TPP2: variants seen among roughly 807,000 people sequenced by gnomAD.
TPP2 encodes tripeptidyl-peptidase 2.
In TPP2, 34 loss-of-function variants were observed where a neutral mutation model predicts 155.9. The ratio of observed to expected loss-of-function variants is 0.22; its 90% CI spans 0.17 to 0.29. The LOEUF (loss-of-function observed/expected upper bound fraction) is 0.29, where lower values mean the gene tolerates loss of function less well. TPP2 is among the 10% of genes least tolerant of loss of function. The pLI, the probability that TPP2 is intolerant of heterozygous loss-of-function variation, is 1.00. For synonymous variants in TPP2, 510 were observed against 529.4 expected, an observed-to-expected ratio of 0.96 and a Z score of 0.50; for missense variants, 1,028 against 1,522.3, an observed-to-expected ratio of 0.68 and a Z score of 5.40.
At chr13:102,657,838 T>C (rs1883959574) in intron 25 of TPP2, among the ~76,000 whole-genome samples, 1 of 152,160 alleles carries the variant, frequency 6.6e-6, no homozygotes, top group East Asian at 1.9e-4. Context: ...CTGAGATGAG[T>C]ATAATAATTT....
chr13:102,630,038 A>G (rs1454421249), intron 9 of TPP2, 58 bp from the exon 10 acceptor site: 5 of 1,448,722 alleles, frequency 3.5e-6, no homozygotes, highest in Non-Finnish European at 4.8e-6. Flanking sequence ...TGAACAGTGG[A>G]TTTGGAATCA....
chr13:102,679,562 A>G lies in TPP2; in HGVS notation c.*1246A>G, dbSNP rs1004882339. The G allele has an allele frequency of 2.6e-5, 4 of 152,186 alleles. No individual in the cohort carries two copies. Among genetic ancestry groups the G allele is most frequent in the Non-Finnish European group, 5.9e-5 (4 of 68,032 alleles). 9.4% of individuals were successfully genotyped at this position (152,186 alleles called of 1,614,324 possible). On this transcript the variant is annotated 3_prime_UTR_variant, in exon 30 of 30. Transcript: ENST00000376052. The stretch of plus-strand genomic sequence containing the variant: ...AGTCACTCCCAACTGTTTCTGCTGT[A>G]TCTCATGAAGTGTTAGAGCGTTTAT...
chr13:102,668,979 T>A (rs1484325298), intron 27 of TPP2, among the ~76,000 whole-genome samples: 1 of 152,202 alleles, frequency 6.6e-6, no homozygotes, highest in Non-Finnish European at 1.5e-5. Context: ...CTAGCCACGC[T>A]ATGGTATGGT....
chr13:102,606,891 A>G (rs965294883), intron 2 of TPP2, among the ~76,000 whole-genome samples: 7 of 152,116 alleles, frequency 4.6e-5, no homozygotes, highest in African/African-American at 1.7e-4. Flanking sequence ...AAATTCATAC[A>G]TTGAAGCCCT....
rs1415896365 is a variant in TPP2, at chr13:102,616,310, C to A, written c.391-86C>A. ...AGAATTGTGTAGTATCACAACTGTA[C>A]CAACAAAGTCCACATATAAATGCCT... On this transcript the variant is annotated intron_variant, in intron 3 of 29. Coordinates refer to ENST00000376052, the MANE Select transcript of TPP2 (RefSeq NM_001330588.2). 1.2e-5 allele frequency: 13 copies of A among 1,099,590 alleles called. No individual in the cohort carries two copies. The Admixed American group carries it at 1.8e-4, about 15-fold the overall frequency. 68.1% of individuals were successfully genotyped at this position (1,099,590 alleles called of 1,614,324 possible).
Position 102,645,015 on chromosome 13 carries a change from A to G in TPP2, c.2393+6A>G. The stretch of plus-strand genomic sequence containing the variant: ...AACTGGGTCCAAACACTGCGGTATC[A>G]TTCAATGTTTTAGGAACTACAGATA... On this transcript the variant is annotated splice_donor_region_variant and intron_variant, in intron 19 of 29. Transcript: ENST00000376052. 6.2e-7 allele frequency: 1 copy of G among 1,612,420 alleles called. No individual in the cohort carries two copies. The highest frequency in any genetic ancestry group is 8.5e-7 in the Non-Finnish European group (1 of 1,178,898).
rs572172836 is a variant in TPP2 at position 102,654,515 on chromosome 13, T to C, written c.2992-2541T>C. Among the ~76,000 whole-genome samples the C allele has an allele frequency of 6.5e-4, 99 of 152,330 alleles. 1 individual carries two copies. The highest frequency in any genetic ancestry group is 3.4e-3 in the Middle Eastern group (1 of 294). Reference sequence around the variant, plus strand: ...ATTAATTTTAATAGATTGTTCATTTTAAATTCAATTCTCTTTTCTCTTCTG... The same window carrying C: ...ATTAATTTTAATAGATTGTTCATTTCAAATTCAATTCTCTTTTCTCTTCTG... On this transcript the variant is annotated intron_variant, in intron 24 of 29. Coordinates refer to ENST00000376052, the MANE Select transcript of TPP2 (RefSeq NM_001330588.2).
chr13:102,634,341 C>G (rs182868115), intron 11 of TPP2, among the ~76,000 whole-genome samples: 3 of 152,120 alleles, frequency 2.0e-5, no homozygotes, highest in African/African-American at 7.2e-5. Context: ...AATTAGTGAA[C>G]AAAGCATCAA....
chr13:102,606,597 G>C (rs1268747715), intron 2 of TPP2, among the ~76,000 whole-genome samples: 2 of 152,166 alleles, frequency 1.3e-5, no homozygotes, highest in Non-Finnish European at 2.9e-5. Flanking sequence ...TTCTTTTAAA[G>C]AACTCACCTG....
At chr13:102,612,406 T>G (rs1337064217) in intron 2 of TPP2, among the ~76,000 whole-genome samples, 4 of 152,226 alleles carry the variant, frequency 2.6e-5, no homozygotes, top group Admixed American at 2.0e-4. Context: ...TTAAAAAGAT[T>G]ACGTGTATCA....
Position 102,635,675 on chromosome 13 carries a change from A to G in TPP2, c.1482A>G (p.Val494=). ...NTAVKADNIE[V]FAQGHGIIQV... The stretch of plus-strand genomic sequence containing the variant: ...CAGTGAAGGCTGACAATATAGAAGT[A>G]TTTGCTCAAGGACATGGTATTATTC... The change falls in exon 12 of 30, where the codon GTA becomes GTG. Residue 494 remains valine (V), a synonymous_variant. Transcript: ENST00000376052. 1.2e-6 allele frequency: 2 copies of G among 1,613,178 alleles called. No homozygotes were observed. The highest frequency in any genetic ancestry group is 1.7e-6 in the Non-Finnish European group (2 of 1,179,684).
At chr13:102,602,379 T>C (rs1327474115) in intron 1 of TPP2, among the ~76,000 whole-genome samples, 1 of 152,086 alleles carries the variant, frequency 6.6e-6, no homozygotes, top group African/African-American at 2.4e-5. Flanking sequence ...CCCACAGTGA[T>C]TTTTTTTAAT....
intron 25 of TPP2, among the ~76,000 whole-genome samples, chr13:102,658,168 C>A (rs532034671): frequency 1.3e-5 from 2 of 152,268 alleles, no homozygotes; most frequent in African/African-American, 4.8e-5. Flanking sequence ...AAGTCAGTTG[C>A]TTTTTCCATC....
chr13:102,616,183 C>T (rs916347450), intron 3 of TPP2, among the ~76,000 whole-genome samples: 8 of 152,184 alleles, frequency 5.3e-5, no homozygotes, highest in Non-Finnish European at 1.0e-4. Context: ...TCTCGAACTC[C>T]TCACCTCAGG....
At chr13:102,662,918 A>G (rs997088583) in intron 25 of TPP2, among the ~76,000 whole-genome samples, 1 of 152,074 alleles carries the variant, frequency 6.6e-6, no homozygotes, top group Non-Finnish European at 1.5e-5. Flanking sequence ...AGAAAAGTTT[A>G]AATTTTTATT....
chr13:102,640,761 C>T (rs1172640488), intron 16 of TPP2, among the ~76,000 whole-genome samples: 1 of 150,066 alleles, frequency 6.7e-6, no homozygotes, highest in Non-Finnish European at 1.5e-5. Flanking sequence ...AACGATTCTC[C>T]TTCCTCAGCC....
At chr13:102,614,361 T>C (rs1227129322) in intron 3 of TPP2, among the ~76,000 whole-genome samples, 165 bp downstream of exon 3, 2 of 152,228 alleles carry the variant, frequency 1.3e-5, no homozygotes, top group East Asian at 1.9e-4. Flanking sequence ...TTCTGCTCAA[T>C]GGAATGTCAT....
At chr13:102,636,714 G>T (rs1882405599) in intron 13 of TPP2, among the ~76,000 whole-genome samples, 1 of 152,198 alleles carries the variant, frequency 6.6e-6, no homozygotes, top group South Asian at 2.1e-4. Flanking sequence ...AGAGCTTTCT[G>T]TTGAAGAATG....
intron 14 of TPP2, among the ~76,000 whole-genome samples, chr13:102,637,688 C>G (rs189267895): frequency 1.3e-5 from 2 of 152,214 alleles, no homozygotes; most frequent in East Asian, 1.9e-4. Context: ...GTAGCTAGGA[C>G]TAGTGGCGTG....
Sources: gnomAD v4.1 joint callset for allele counts (sites outside exome capture counted in the v4.1 genomes callset) on GRCh38, gnomAD v4.1.1 for gene constraint, MANE v1.5 for transcripts, NCBI Gene and HGNC (gene_info 2026-07-23, HGNC 2026-07-21) for gene names.